Variants in MARCHF11 observed in about 807,000 individuals in gnomAD.
The protein encoded by MARCHF11 is E3 ubiquitin-protein ligase MARCHF11.
A neutral mutation model predicts 37.3 loss-of-function variants in MARCHF11; 29 were observed. The observed-to-expected ratio is 0.78, with a 90% CI of 0.58 to 1.06. MARCHF11 has a LOEUF of 1.06. Ranked by LOEUF, MARCHF11 falls within the 50% of genes least tolerant of loss-of-function variation. MARCHF11 has a pLI of 0.00. For missense variants in MARCHF11, 482 were observed against 533.4 expected (o/e 0.90, Z 0.95); for synonymous variants, 233 against 228.0 (o/e 1.02, Z -0.20).
At chr5:16,075,825 G>T (rs185110526) in intron 3 of MARCHF11, among the ~76,000 whole-genome samples, 2 of 152,198 alleles carry the variant, frequency 1.3e-5, no homozygotes, top group Admixed American at 6.5e-5. Flanking sequence ...TTGGTCTTTG[G>T]GGGTAACGGT....
chr5:16,179,398 CG>C lies in MARCHF11; in HGVS notation c.177del (p.Glu60SerfsTer10). The C allele has an allele frequency of 2.6e-6, 3 of 1,140,072 alleles. No individual in the cohort carries two copies. Among genetic ancestry groups the C allele is most frequent in the Non-Finnish European group, 3.2e-6 (3 of 930,070 alleles). 70.6% of individuals were successfully genotyped at this position (1,140,072 alleles called of 1,614,324 possible). A position where few individuals can be genotyped will look rare whatever the true frequency, so the allele number is the denominator to read the frequency against. ...GGCTCGCTTGGCCCCGCGGCGCGCT[CG>C]GGGGTCTCGGGGGACGCGGGCAGCG... Reference protein sequence around the residue: ...LPPLPASPETPERAAGPSEPL... With the variant: ...LPPLPASPETXERAAGPSEPL... On this transcript the variant is annotated frameshift_variant, in exon 1 of 4. Transcript: ENST00000332432. LOFTEE classifies it high-confidence loss of function.
chr5:16,108,161 C>T (rs1579386073), intron 2 of MARCHF11, among the ~76,000 whole-genome samples: 1 of 152,214 alleles, frequency 6.6e-6, no homozygotes, highest in East Asian at 1.9e-4. Context: ...CTTCCTTGGG[C>T]TTTGGGAGTC....
chr5:16,075,290 C>T (rs1736498536), intron 3 of MARCHF11, among the ~76,000 whole-genome samples: 1 of 152,168 alleles, frequency 6.6e-6, no homozygotes, highest in Admixed American at 6.5e-5. Flanking sequence ...TCCTGGAATG[C>T]CCACTCTTAC....
intron 2 of MARCHF11, among the ~76,000 whole-genome samples, chr5:16,135,273 A>G (rs571310774): frequency 6.6e-6 from 1 of 152,298 alleles, no homozygotes; most frequent in African/African-American, 2.4e-5. Flanking sequence ...GGATAAACCA[A>G]TTACACAAGA....
chr5:16,101,363 G>A (rs916504947), intron 2 of MARCHF11, among the ~76,000 whole-genome samples: 1 of 152,016 alleles, frequency 6.6e-6, no homozygotes, highest in Non-Finnish European at 1.5e-5. Context: ...GCAACAGAGC[G>A]AGACTCCATC....
At chr5:16,139,122 G>A (rs1184620168) in intron 2 of MARCHF11, among the ~76,000 whole-genome samples, 1 of 152,160 alleles carries the variant, frequency 6.6e-6, no homozygotes, top group African/African-American at 2.4e-5. Flanking sequence ...AGAATGATAT[G>A]GCTTGGCTAT....
chr5:16,177,719 T>A lies in MARCHF11; in HGVS notation c.693+7A>T, dbSNP rs374094033. On this transcript the variant is annotated splice_region_variant and intron_variant, in intron 2 of 3. Transcript: ENST00000332432. ...TTTCAGGAAAAATAAATGTTGAAACTGCTTACCTGGCAAGGTTGTTTCATT... is the reference window on the plus strand; with the variant it reads ...TTTCAGGAAAAATAAATGTTGAAACAGCTTACCTGGCAAGGTTGTTTCATT... 16 of 1,597,490 alleles carry A rather than the reference T, an allele frequency of 1.0e-5. No individual in the cohort carries two copies. The highest frequency in any genetic ancestry group is 1.4e-5 in the Non-Finnish European group (16 of 1,172,932).
intron 2 of MARCHF11, among the ~76,000 whole-genome samples, chr5:16,139,990 A>C (rs1446016): frequency 6.6e-6 from 1 of 152,062 alleles, no homozygotes; most frequent in Admixed American, 6.5e-5. Context: ...TGACAATGTA[A>C]TAAAAATCTA....
In MARCHF11 at chr5:16,067,616, T is replaced by G. The variant is rs1736371390; in HGVS notation, c.1064A>C (p.Asn355Thr). The G allele has an allele frequency of 3.1e-6, 5 of 1,613,924 alleles. No homozygotes were observed. Among genetic ancestry groups the G allele is most frequent in the Non-Finnish European group, 4.2e-6 (5 of 1,179,830 alleles). ...GGTTAACTGAGTTGGGTGGACCAAGTTTCTGTTCCGCAGAGCTGTCAATGG... is the reference window on the plus strand; with the variant it reads ...GGTTAACTGAGTTGGGTGGACCAAGGTTCTGTTCCGCAGAGCTGTCAATGG... The part of the protein sequence containing the change: ...WLPLTALRNR[N>T]LVHPTQLTSP... The change falls in exon 4 of 4, where the codon AAC becomes ACC. Residue 355 changes from asparagine (N) to threonine (T), a missense_variant. By Grantham distance (65) the Asn-to-Thr change is moderately conservative. Coordinates refer to ENST00000332432, the MANE Select transcript of MARCHF11 (RefSeq NM_001102562.3).
At chr5:16,150,731 C>G (rs1046894075) in intron 2 of MARCHF11, among the ~76,000 whole-genome samples, 5 of 152,188 alleles carry the variant, frequency 3.3e-5, no homozygotes, top group South Asian at 4.1e-4. Flanking sequence ...TTCCTATTTT[C>G]AGGACTCCCA....
At chr5:16,112,518 C>T (rs1737160818) in intron 2 of MARCHF11, among the ~76,000 whole-genome samples, 2 of 152,152 alleles carry the variant, frequency 1.3e-5, no homozygotes, top group African/African-American at 4.8e-5. Context: ...TTACCCAATG[C>T]CTGTACCCAC....
intron 2 of MARCHF11, among the ~76,000 whole-genome samples, chr5:16,097,714 T>A (rs1579379522): frequency 6.6e-6 from 1 of 152,172 alleles, no homozygotes; most frequent in East Asian, 1.9e-4. Context: ...CAAAACAAGA[T>A]AACAAACACC....
intron 3 of MARCHF11, among the ~76,000 whole-genome samples, chr5:16,080,388 T>C (rs912037261): frequency 1.3e-5 from 2 of 152,170 alleles, no homozygotes; most frequent in Non-Finnish European, 1.5e-5. Context: ...CCCAAACTGC[T>C]GCTCCTCTCA....
At chr5:16,117,706 T>C (rs1041916977) in intron 2 of MARCHF11, among the ~76,000 whole-genome samples, 1 of 152,142 alleles carries the variant, frequency 6.6e-6, no homozygotes, top group Non-Finnish European at 1.5e-5. Flanking sequence ...CTGGGCAACA[T>C]AGCAAGACCC....
intron 2 of MARCHF11, among the ~76,000 whole-genome samples, chr5:16,177,515 C>T (rs193060168): frequency 2.9e-4 from 44 of 152,206 alleles, no homozygotes; most frequent in Non-Finnish European, 5.1e-4. Context: ...ATAAAGGAAA[C>T]CATTCGATTA....
intron 2 of MARCHF11, among the ~76,000 whole-genome samples, chr5:16,133,385 G>A (rs942363307): frequency 3.9e-5 from 6 of 152,070 alleles, no homozygotes; most frequent in African/African-American, 1.4e-4. Flanking sequence ...TCAGCCAGCC[G>A]CCAGTGCCCA....
chr5:16,154,363 T>C (rs1579415895), intron 2 of MARCHF11, among the ~76,000 whole-genome samples: 1 of 152,004 alleles, frequency 6.6e-6, no homozygotes, highest in Admixed American at 6.6e-5. Context: ...CACATTTACA[T>C]AAATTATCCA....
intron 2 of MARCHF11, among the ~76,000 whole-genome samples, chr5:16,134,602 CA>C (rs1737576225): frequency 1.3e-5 from 2 of 152,094 alleles, no homozygotes; most frequent in African/African-American, 2.4e-5. Flanking sequence ...AATAAAACAA[CA>C]GAAGAAATTA....
In MARCHF11 at chr5:16,170,186, T is replaced by A. The variant is rs186422191; in HGVS notation, c.693+7540A>T. Among the ~76,000 whole-genome samples, 50 of 152,242 alleles carry A rather than the reference T, an allele frequency of 3.3e-4. No individual in the cohort carries two copies. The East Asian group carries it at 7.5e-3, about 23-fold the overall frequency. On this transcript the variant is annotated intron_variant, in intron 2 of 3. Coordinates refer to ENST00000332432, the MANE Select transcript of MARCHF11 (RefSeq NM_001102562.3). ...AGACGCTCTTAGCAGCTCATCTATA[T>A]CCATGATCATACAGTAAAATTTCCA...
Sources: gnomAD v4.1 joint callset for allele counts (sites outside exome capture counted in the v4.1 genomes callset) on GRCh38, gnomAD v4.1.1 for gene constraint, MANE v1.5 for transcripts, NCBI Gene and HGNC (gene_info 2026-07-23, HGNC 2026-07-21) for gene names.